Variants in PCDH7 observed in about 807,000 individuals in gnomAD.
PCDH7 encodes protocadherin-7.
A neutral mutation model predicts 58.9 loss-of-function variants in PCDH7; 17 were observed. That is an observed-to-expected ratio of 0.29 (90% CI 0.20 to 0.43). PCDH7 has a LOEUF of 0.43. PCDH7 is among the 20% of genes least tolerant of loss of function. PCDH7 has a pLI of 1.00. For missense variants in PCDH7, 1,274 were observed against 1,441.0 expected (o/e 0.88, Z 1.88); for synonymous variants, 664 against 616.4 (o/e 1.08, Z -1.14).
At chr4:30,755,016 T>C (rs1213792379) in intron 1 of PCDH7, among the ~76,000 whole-genome samples, 4 of 152,168 alleles carry the variant, frequency 2.6e-5, no homozygotes, top group Non-Finnish European at 4.4e-5. Flanking sequence ...TATTCACAGA[T>C]GGAGAAACTG....
intron 3 of PCDH7, among the ~76,000 whole-genome samples, chr4:31,018,414 A>G (rs542602728): frequency 4.1e-4 from 62 of 152,272 alleles, no homozygotes; most frequent in African/African-American, 1.4e-3. Flanking sequence ...CTCACTTACT[A>G]CCAGTATCCT....
At chr4:31,105,904 C>T (rs1186265095) in intron 3 of PCDH7, among the ~76,000 whole-genome samples, 1 of 151,438 alleles carries the variant, frequency 6.6e-6, no homozygotes, top group Non-Finnish European at 1.5e-5. Context: ...CTGCTCGGGA[C>T]GCTGAGGCAG....
intron 3 of PCDH7, among the ~76,000 whole-genome samples, chr4:30,956,048 A>G (rs1209600925): frequency 6.6e-6 from 1 of 151,352 alleles, no homozygotes; most frequent in African/African-American, 2.4e-5. Context: ...CAAAAAAAAA[A>G]AGCAAAAAAA....
chr4:30,989,939 C>T (rs1037842128), intron 3 of PCDH7, among the ~76,000 whole-genome samples: 1 of 152,032 alleles, frequency 6.6e-6, no homozygotes, highest in Non-Finnish European at 1.5e-5. Context: ...ATTCACATGC[C>T]ATTGACTTTT....
At chr4:30,783,797 A>G (rs1328192457) in intron 1 of PCDH7, among the ~76,000 whole-genome samples, 1 of 152,226 alleles carries the variant, frequency 6.6e-6, no homozygotes, top group Admixed American at 6.5e-5. Flanking sequence ...CTTTTATATA[A>G]GTGAACATTT....
At chr4:30,724,489 G>A (rs1477079144) in exon 1 of PCDH7, 12 of 1,613,958 alleles carry the variant, frequency 7.4e-6, no homozygotes, top group Non-Finnish European at 8.5e-6. Context: ...GGCCGTACAA[G>A]ATCTACCACC....
In PCDH7 at chr4:30,948,603, C is replaced by T. The variant is rs1746999904; in HGVS notation, c.288-1517C>T. ...ACAAAATTATAGAAATTTATAGAAT[C>T]CCAAGCAATGGTGCAAAAAGTATAT... On this transcript the variant is annotated intron_variant, in intron 2 of 3. Coordinates refer to the PCDH7 transcript ENST00000509759. Among the ~76,000 whole-genome samples the T allele has an allele frequency of 2.0e-5, 3 of 152,002 alleles. 1 individual carries two copies. The South Asian group carries it at 6.2e-4, about 31-fold the overall frequency.
At chr4:31,122,108 T>C (rs1184156324) in intron 3 of PCDH7, among the ~76,000 whole-genome samples, 1 of 152,148 alleles carries the variant, frequency 6.6e-6, no homozygotes, top group East Asian at 1.9e-4. Flanking sequence ...CAGCATATTG[T>C]ACTGTTTTCC....
chr4:30,981,684 A>G (rs1750582050), intron 3 of PCDH7, among the ~76,000 whole-genome samples: 1 of 152,200 alleles, frequency 6.6e-6, no homozygotes, highest in Non-Finnish European at 1.5e-5. Flanking sequence ...AGCTTCCAAG[A>G]ATAATAAAGG....
At chr4:30,964,964 G>T (rs920419591) in intron 3 of PCDH7, among the ~76,000 whole-genome samples, 2 of 152,160 alleles carry the variant, frequency 1.3e-5, no homozygotes, top group Non-Finnish European at 2.9e-5. Flanking sequence ...TTGCTTGAGT[G>T]CTTACGCTTT....
chr4:30,772,601 G>A (rs1156992240), intron 1 of PCDH7, among the ~76,000 whole-genome samples: 1 of 152,196 alleles, frequency 6.6e-6, no homozygotes, highest in African/African-American at 2.4e-5. Context: ...CATCTGCCAT[G>A]CCTAGAAGAG....
At chr4:30,844,725 A>G (rs1731682682) in intron 1 of PCDH7, among the ~76,000 whole-genome samples, 1 of 152,190 alleles carries the variant, frequency 6.6e-6, no homozygotes, top group Non-Finnish European at 1.5e-5. Context: ...GCATACTGCA[A>G]TCTGCATATT....
intron 1 of PCDH7, among the ~76,000 whole-genome samples, chr4:30,819,892 T>G (rs1577928199): frequency 6.6e-6 from 1 of 152,216 alleles, no homozygotes; most frequent in African/African-American, 2.4e-5. Flanking sequence ...CATAAACAAG[T>G]TCTGAATAAA....
At chr4:30,780,327 G>C (rs367668829) in intron 1 of PCDH7, among the ~76,000 whole-genome samples, 1 of 151,964 alleles carries the variant, frequency 6.6e-6, no homozygotes, top group South Asian at 2.1e-4. Flanking sequence ...TCAACATGGA[G>C]AAACCCCCAT....
At chr4:31,064,602 C>A (rs940858021) in intron 3 of PCDH7, among the ~76,000 whole-genome samples, 1 of 151,926 alleles carries the variant, frequency 6.6e-6, no homozygotes, top group Non-Finnish European at 1.5e-5. Flanking sequence ...GTGGCAGCAA[C>A]CCTTGGTCTT....
Position 30,722,715 on chromosome 4 carries a change from C to T in PCDH7, c.1293C>T (p.Asn431=). 2.5e-6 allele frequency: 4 copies of T among 1,613,520 alleles called. No homozygotes were observed. Among genetic ancestry groups the T allele is most frequent in the Admixed American group, 1.7e-5 (1 of 60,020 alleles). The change falls in exon 1 of 2, where the codon AAC becomes AAT. Residue 431 remains asparagine (N), a synonymous_variant. Coordinates refer to ENST00000361762, the Ensembl canonical transcript of PCDH7. This position sits in a 1 kb window ranked among gnomAD's most constrained non-coding sequence, Gnocchi z 7.6. Reference sequence around the variant, plus strand: ...TCCCCCTCAAGGACGGGGTGGCCAACGTGGCCGAGGACGTTCTGGTCGACA... The same window carrying T: ...TCCCCCTCAAGGACGGGGTGGCCAATGTGGCCGAGGACGTTCTGGTCGACA...
At chr4:31,145,782 A>G (rs1393904131), downstream of PCDH7, 1 of 152,122 alleles carries the variant, frequency 6.6e-6, no homozygotes, top group Non-Finnish European at 1.5e-5. Context: ...TAAGTGTAAC[A>G]CAGAGATACT....
At chr4:30,736,026 A>G (rs1023847954), downstream of PCDH7, among the ~76,000 whole-genome samples, 1 of 152,150 alleles carries the variant, frequency 6.6e-6, no homozygotes, top group South Asian at 2.1e-4. Context: ...GAAAAAGGGG[A>G]AAAAGAAAGC....
At chr4:31,130,808 C>T (rs923698842) in intron 3 of PCDH7, among the ~76,000 whole-genome samples, 1 of 152,254 alleles carries the variant, frequency 6.6e-6, no homozygotes, top group East Asian at 1.9e-4. Context: ...ATGGGCTTTT[C>T]TTCTGTCTCC....
Sources: gnomAD v4.1 joint callset for allele counts (sites outside exome capture counted in the v4.1 genomes callset) on GRCh38, gnomAD v4.1.1 for gene constraint, Gnocchi (gnomAD v3.1) non-coding constraint, MANE v1.5 for transcripts, NCBI Gene and HGNC (gene_info 2026-07-23, HGNC 2026-07-21) for gene names.